Variants in RESF1 observed in about 807,000 individuals in gnomAD.
The protein encoded by RESF1 is retroelement silencing factor 1, also known as gonad expressed transcript.
In RESF1, 65 loss-of-function variants were observed where a neutral mutation model predicts 134.7. The observed-to-expected ratio is 0.48, with a 90% confidence interval of 0.40 to 0.59. The LOEUF (loss-of-function observed/expected upper bound fraction) is 0.59. Among genes scored for constraint, RESF1 ranks in the 20% least tolerant of loss-of-function variants. RESF1 has a pLI of 0.00. For missense variants in RESF1, 2,274 were observed against 2,002.7 expected (o/e 1.14, Z -2.59); for synonymous variants, 762 against 702.2 (o/e 1.09, Z -1.35).
At chr12:31,990,029 C>T (rs1396335265) in intron 5 of RESF1, among the ~76,000 whole-genome samples, 16 of 151,980 alleles carry the variant, frequency 1.1e-4, no homozygotes, top group African/African-American at 1.7e-4. Flanking sequence ...GCCAAAAATG[C>T]GAAAGATACA....
chr12:31,984,233 C>G lies in RESF1; in HGVS notation c.3278C>G (p.Thr1093Ser). 6.2e-7 allele frequency: 1 copy of G among 1,614,046 alleles called. No individual in the cohort carries two copies. Among genetic ancestry groups the G allele is most frequent in the African/African-American group, 1.3e-5 (1 of 75,034 alleles). Reference sequence around the variant, plus strand: ...TCAGAAGATCAAACTGCTGATAAAACCAGTTCTGACTCCAAAGACCCAGCA... The same window carrying G: ...TCAGAAGATCAAACTGCTGATAAAAGCAGTTCTGACTCCAAAGACCCAGCA... ...QTSEDQTADK[T>S]SSDSKDPADQ... Residue 1093 changes from threonine (T) to serine (S), a missense_variant, in exon 4 of 6, where the codon ACC (threonine) becomes AGC (serine). Transcript: ENST00000312561.
rs1939950366 is a variant in RESF1, at chr12:31,985,521, C to T, written c.4566C>T (p.His1522=). The stretch of plus-strand genomic sequence containing the variant: ...GCCATGGTAAAAACCTCAAAATCCA[C>T]CATTCTCAGGAGTCTAAAACATACA... ...LTSHGKNLKI[H]HSQESKTYNI... The change falls in exon 4 of 6, where the codon CAC becomes CAT. Residue 1522 remains histidine, a synonymous_variant. Transcript: ENST00000312561. 6.2e-7 allele frequency: 1 copy of T among 1,601,814 alleles called. No homozygotes were observed. The highest frequency in any genetic ancestry group is 1.1e-5 in the South Asian group (1 of 88,604).
chr12:31,960,551 A>C (rs61931389), intron 1 of RESF1, among the ~76,000 whole-genome samples: 1 of 152,222 alleles, frequency 6.6e-6, no homozygotes, highest in East Asian at 1.9e-4. Flanking sequence ...TGATACTACA[A>C]TAGCGGACCT....
Position 31,984,317 on chromosome 12 carries a change from A to AGGAT in RESF1, c.3364_3367dup (p.Asp1123GlyfsTer2). 6.2e-7 allele frequency: 1 copy of AGGAT among 1,613,844 alleles called. No homozygotes were observed. The highest frequency in any genetic ancestry group is 2.2e-5 in the East Asian group (1 of 44,890). The stretch of plus-strand genomic sequence containing the variant: ...CAAATGAAAGAAATATTTCCTGAAC[A>AGGAT]GGATGATCAACCCTATGTAGTAGAC... On this transcript the variant is annotated frameshift_variant, in exon 4 of 6. Transcript: ENST00000312561. LOFTEE classifies it high-confidence loss of function.
chr12:31,964,185 G>A (rs952788118), intron 2 of RESF1, among the ~76,000 whole-genome samples: 8 of 147,422 alleles, frequency 5.4e-5, no homozygotes, highest in African/African-American at 2.0e-4. Flanking sequence ...TTGGGGGTAC[G>A]TGTATAGGTA....
rs138496669 is a variant in RESF1 at position 31,967,734 on chromosome 12, G to A, written c.-246-2455G>A. Among the ~76,000 whole-genome samples, 440 of 151,892 alleles carry A rather than the reference G, an allele frequency of 2.9e-3. 3 individuals carry two copies. The highest frequency in any genetic ancestry group is 0.01 in the African/African-American group (424 of 41,396). ...CTCATGATCACGTGGCTGACTGGGTGCTATGGCTTGCTGCCACCACCCAGC... is the reference window on the plus strand; with the variant it reads ...CTCATGATCACGTGGCTGACTGGGTACTATGGCTTGCTGCCACCACCCAGC... On this transcript the variant is annotated intron_variant, in intron 2 of 5. Transcript: ENST00000312561.
At chr12:31,974,633 A>C (rs1311400450) in intron 3 of RESF1, among the ~76,000 whole-genome samples, 3 of 152,064 alleles carry the variant, frequency 2.0e-5, no homozygotes, top group African/African-American at 7.2e-5. Context: ...ATCTCCTTAA[A>C]GGCCCTATCT....
chr12:31,962,676 G>T (rs1341545038), intron 2 of RESF1: 1 of 152,216 alleles, frequency 6.6e-6, no homozygotes, highest in Non-Finnish European at 1.5e-5. Flanking sequence ...TAAATAAGGT[G>T]ATTAAAATGA....
Position 31,982,201 on chromosome 12 carries a change from A to G in RESF1, c.1246A>G (p.Ile416Val). ...TTCAGAACTTGCAAGGAAAATTAAA[A>G]TCAATAAAGATCTTTTGATGGCAGC... ...KFSELARKIKINKDLLMAAGC... is the reference protein window; with the variant it reads ...KFSELARKIKVNKDLLMAAGC... Residue 416 changes from isoleucine to valine, a missense_variant, in exon 4 of 6, where the codon ATC becomes GTC. Ile to Val is a conservative substitution (Grantham distance 29). Coordinates refer to ENST00000312561, the MANE Select transcript of RESF1 (RefSeq NM_018169.4). 1 of 1,611,586 alleles carries G rather than the reference A, an allele frequency of 6.2e-7. No individual in the cohort carries two copies. The highest frequency in any genetic ancestry group is 8.5e-7 in the Non-Finnish European group (1 of 1,179,474).
chr12:31,976,303 A>G (rs1213254385), intron 3 of RESF1, among the ~76,000 whole-genome samples: 2 of 152,236 alleles, frequency 1.3e-5, no homozygotes, highest in East Asian at 3.8e-4. Context: ...CCAAAACTTG[A>G]TTAACAATAG....
Position 31,981,349 on chromosome 12 carries a change from A to G in RESF1, c.394A>G (p.Ile132Val), listed in dbSNP as rs748526534. The change falls in exon 4 of 6, where the codon ATA becomes GTA. Residue 132 changes from isoleucine to valine, a missense_variant. Transcript: ENST00000312561. Reference protein sequence around the residue: ...SPMRNPVHSHIGATVSHQTDF... With the variant: ...SPMRNPVHSHVGATVSHQTDF... ...AATGAGGAATCCTGTGCATTCTCAT[A>G]TAGGGGCAACTGTATCTCATCAAAC... 18 of 1,614,044 alleles carry G rather than the reference A, an allele frequency of 1.1e-5. No individual in the cohort carries two copies. In the South Asian group the frequency reaches 1.6e-4, roughly 15 times the overall value.
At position 31,983,699 on chromosome 12, in the gene RESF1, C is replaced by G. The variant is rs753945761; in HGVS notation, c.2744C>G (p.Ser915Cys). The G allele has an allele frequency of 1.5e-5, 24 of 1,613,738 alleles. No individual in the cohort carries two copies. The East Asian group carries it at 1.6e-4, about 10-fold the overall frequency. Reference sequence around the variant, plus strand: ...TCCCAAATAGCAAAGATATTCAGCTCTCTTCCCTTGAAAATGGTTGAGCCA... The same window carrying G: ...TCCCAAATAGCAAAGATATTCAGCTGTCTTCCCTTGAAAATGGTTGAGCCA... Reference protein sequence around the residue: ...YNSQIAKIFSSLPLKMVEPQK... With the variant: ...YNSQIAKIFSCLPLKMVEPQK... The change falls in exon 4 of 6, where the codon TCT becomes TGT. Residue 915 changes from serine to cysteine, a missense_variant. Transcript: ENST00000312561.
chr12:31,971,537 A>G (rs1463440226), intron 3 of RESF1, among the ~76,000 whole-genome samples: 1 of 152,214 alleles, frequency 6.6e-6, no homozygotes, highest in Non-Finnish European at 1.5e-5. Context: ...TCTTGGAAAC[A>G]ATAACATATA....
Position 31,985,412 on chromosome 12 carries a change from T to C in RESF1, c.4457T>C (p.Val1486Ala). ...SEHMRPSKLA[V>A]QVESCGKSNE... ...CATATGAGACCAAGTAAACTTGCCG[T>C]GCAGGTTGAAAGTTGTGGGAAATCA... Residue 1486 changes from valine to alanine, a missense_variant, in exon 4 of 6, where the codon GTG (valine) becomes GCG (alanine). Physicochemically the swap from Val to Ala is moderately conservative, Grantham distance 64. Coordinates refer to ENST00000312561, the MANE Select transcript of RESF1 (RefSeq NM_018169.4). 1 of 1,605,926 alleles carries C rather than the reference T, an allele frequency of 6.2e-7. No homozygotes were observed. Among genetic ancestry groups the C allele is most frequent in the East Asian group, 2.2e-5 (1 of 44,834 alleles).
intron 2 of RESF1, among the ~76,000 whole-genome samples, chr12:31,969,945 T>G (rs1939472129): frequency 6.6e-6 from 1 of 152,238 alleles, no homozygotes; most frequent in South Asian, 2.1e-4. Flanking sequence ...CTTGTGCATG[T>G]GTGTTTAACA....
intron 2 of RESF1, among the ~76,000 whole-genome samples, chr12:31,965,713 A>G (rs1939383992): frequency 1.3e-5 from 2 of 152,174 alleles, no homozygotes; most frequent in African/African-American, 4.8e-5. Context: ...CAACATGGTG[A>G]AAAGCCATCT....
chr12:31,985,940 A>G lies in RESF1; in HGVS notation c.4985A>G (p.Glu1662Gly). Residue 1662 changes from glutamate to glycine, a missense_variant, in exon 4 of 6, where the codon GAG (glutamate) becomes GGG (glycine). By Grantham distance (98) the Glu-to-Gly change is moderately conservative (BLOSUM62 -2). Transcript: ENST00000312561. ...GATGTAAAGCCTCATCCTAGGAAGGAGCAAGCCCCTCTGCAAGGTCCAGTA... is the reference window on the plus strand; with the variant it reads ...GATGTAAAGCCTCATCCTAGGAAGGGGCAAGCCCCTCTGCAAGGTCCAGTA... Reference protein sequence around the residue: ...RKDVKPHPRKEQAPLQVSGIK... With the variant: ...RKDVKPHPRKGQAPLQVSGIK... The G allele has an allele frequency of 3.4e-6, 5 of 1,489,172 alleles. No homozygotes were observed. Among genetic ancestry groups the G allele is most frequent in the South Asian group, 1.5e-5 (1 of 67,432 alleles). The allele number at this position is 1,489,172 out of a possible 1,614,324, so 92.2% of individuals were successfully genotyped here. A position where few individuals can be genotyped will look rare whatever the true frequency, so the allele number is the denominator to read the frequency against.
Position 31,989,004 on chromosome 12 carries a change from T to C in RESF1, c.5086+1682T>C, listed in dbSNP as rs542010399. Among the ~76,000 whole-genome samples, 293 of 151,636 alleles carry C rather than the reference T, an allele frequency of 1.9e-3. 1 individual carries two copies. Among genetic ancestry groups the C allele is most frequent in the Middle Eastern group, 0.01 (3 of 294 alleles). On this transcript the variant is annotated intron_variant, in intron 5 of 5. Coordinates refer to ENST00000312561, the MANE Select transcript of RESF1 (RefSeq NM_018169.4). ...CCACCGTGTCCACCCGAATATATGATTTAATTAGTGGAGTGAAAGTACCTT... is the reference window on the plus strand; with the variant it reads ...CCACCGTGTCCACCCGAATATATGACTTAATTAGTGGAGTGAAAGTACCTT...
intron 2 of RESF1, among the ~76,000 whole-genome samples, chr12:31,965,889 CAA>C (rs10665492): frequency 1.1e-3 from 128 of 114,024 alleles, no homozygotes; most frequent in African/African-American, 3.7e-3. Context: ...GACTTCGTCT[CAA>C]AAAAAAAAAA....
Sources: allele counts gnomAD v4.1 joint callset (sites outside exome capture counted in the v4.1 genomes callset), GRCh38; gene constraint gnomAD v4.1.1; transcripts MANE v1.5; gene names NCBI Gene and HGNC (gene_info 2026-07-23, HGNC 2026-07-21).